FAM117B: variants seen among roughly 807,000 people sequenced by gnomAD.
The protein encoded by FAM117B is family with sequence similarity 117 member B, also known as protein FAM117B.
Under a neutral mutation model 52.8 loss-of-function variants are expected in FAM117B, and 22 were observed. That is an observed-to-expected ratio of 0.42 (90% CI 0.30 to 0.59). The LOEUF is 0.59. Ranked by LOEUF, FAM117B falls within the 20% of genes least tolerant of loss-of-function variation. The pLI is 0.22. For synonymous variants in FAM117B, 309 were observed against 324.1 expected, an observed-to-expected ratio of 0.95 and a Z score of 0.50; for missense variants, 678 against 802.6, an observed-to-expected ratio of 0.84 and a Z score of 1.88.
chr2:202,679,954 G>T (rs2105769699), intron 1 of FAM117B, among the ~76,000 whole-genome samples: 1 of 152,204 alleles, frequency 6.6e-6, no homozygotes, highest in African/African-American at 2.4e-5. Flanking sequence ...AATATGTTCA[G>T]TATGCTCAGA....
In FAM117B at chr2:202,757,420, G is replaced by T. The variant is rs1307496768; in HGVS notation, c.1312G>T (p.Val438Phe). Residue 438 changes from valine to phenylalanine, a missense_variant, in exon 6 of 8, where the codon GTT becomes TTT. Coordinates refer to ENST00000392238, the MANE Select transcript of FAM117B (RefSeq NM_173511.4). Reference protein sequence around the residue: ...ESPCSADDLLVDPRDKENGNN... With the variant: ...ESPCSADDLLFDPRDKENGNN... ...TCCTTGCTCAGCGGATGACCTGCTT[G>T]TTGATCCCAGAGATAAAGGTACAGT... 6.2e-7 allele frequency: 1 copy of T among 1,614,020 alleles called. No individual in the cohort carries two copies. The highest frequency in any genetic ancestry group is 8.5e-7 in the Non-Finnish European group (1 of 1,179,992).
intron 4 of FAM117B, among the ~76,000 whole-genome samples, chr2:202,739,026 T>C (rs568482514): frequency 2.2e-4 from 34 of 152,230 alleles, no homozygotes; most frequent in African/African-American, 7.9e-4. Context: ...TTGTCTGTAT[T>C]AACAATACAA....
At chr2:202,673,438 T>TTG (rs1690330334) in intron 1 of FAM117B, among the ~76,000 whole-genome samples, 1 of 62,274 alleles carries the variant, frequency 1.6e-5, no homozygotes, top group Non-Finnish European at 4.1e-5. Flanking sequence ...TTTCTGTTTT[T>TTG]TTTTTTTTTT....
intron 7 of FAM117B, among the ~76,000 whole-genome samples, chr2:202,761,636 C>T (rs1039503326): frequency 3.3e-5 from 5 of 152,176 alleles, no homozygotes; most frequent in African/African-American, 7.2e-5. Context: ...AAGCAATTCT[C>T]CTGTCTCAGC....
intron 2 of FAM117B, among the ~76,000 whole-genome samples, chr2:202,705,260 A>G (rs1690855187): frequency 6.6e-6 from 1 of 151,966 alleles, no homozygotes; most frequent in Non-Finnish European, 1.5e-5. Context: ...GAGTCAAGAT[A>G]GTACCATTGC....
intron 1 of FAM117B, among the ~76,000 whole-genome samples, chr2:202,684,118 C>T (rs1035157384): frequency 1.3e-5 from 2 of 152,172 alleles, no homozygotes; most frequent in African/African-American, 4.8e-5. Flanking sequence ...CTGCCTGCCT[C>T]AGCCTCCCAA....
At chr2:202,724,848 GAA>G in intron 2 of FAM117B, 67 bp from the exon 3 acceptor site, 1 of 1,143,450 alleles carries the variant, frequency 8.7e-7, no homozygotes. Flanking sequence ...TTTTATAATA[GAA>G]AAATATGGTA....
intron 1 of FAM117B, among the ~76,000 whole-genome samples, chr2:202,638,883 A>G (rs546610159): frequency 1.1e-3 from 165 of 152,356 alleles, no homozygotes; most frequent in Non-Finnish European, 2.0e-3. Context: ...AATGTCTCAT[A>G]GTTTCATTCC....
intron 1 of FAM117B, 51 bp downstream of exon 1, chr2:202,635,839 C>G: frequency 7.4e-7 from 1 of 1,356,852 alleles, no homozygotes; most frequent in South Asian, 1.6e-5. Flanking sequence ...GGGAAGGGGT[C>G]CCGGGCGCGC....
intron 4 of FAM117B, among the ~76,000 whole-genome samples, chr2:202,751,834 A>G (rs1050574290): frequency 6.6e-6 from 1 of 151,540 alleles, no homozygotes; most frequent in African/African-American, 2.4e-5. Flanking sequence ...CAAAGATCTG[A>G]GCTATGGAGA....
At chr2:202,675,416 C>T (rs895392169) in intron 1 of FAM117B, among the ~76,000 whole-genome samples, 15 of 141,464 alleles carry the variant, frequency 1.1e-4, no homozygotes, top group African/African-American at 3.7e-4. Flanking sequence ...ACCGCACTAC[C>T]GCCTGGGCGA....
chr2:202,710,430 G>T (rs566639760), intron 2 of FAM117B, among the ~76,000 whole-genome samples: 1 of 151,828 alleles, frequency 6.6e-6, no homozygotes, highest in South Asian at 2.1e-4. Flanking sequence ...ATACACATAG[G>T]TGTATATATT....
intron 4 of FAM117B, among the ~76,000 whole-genome samples, chr2:202,736,726 G>A (rs1249798373): frequency 6.6e-6 from 1 of 151,976 alleles, no homozygotes; most frequent in Non-Finnish European, 1.5e-5. Context: ...TGCCCCTACC[G>A]CACTCTAGCC....
intron 1 of FAM117B, among the ~76,000 whole-genome samples, chr2:202,673,305 A>G (rs1559099139): frequency 6.6e-6 from 1 of 151,958 alleles, no homozygotes; most frequent in African/African-American, 2.4e-5. Flanking sequence ...GATTTTGTGT[A>G]TGCTAGAGGG....
At chr2:202,687,039 C>G (rs1033411858) in intron 1 of FAM117B, among the ~76,000 whole-genome samples, 1 of 152,082 alleles carries the variant, frequency 6.6e-6, no homozygotes, top group Non-Finnish European at 1.5e-5. Context: ...AGACTAAGTC[C>G]AAAGACCTGA....
At chr2:202,641,561 G>A (rs533317877) in intron 1 of FAM117B, among the ~76,000 whole-genome samples, 4 of 152,132 alleles carry the variant, frequency 2.6e-5, no homozygotes, top group South Asian at 4.2e-4. Context: ...GATACTTACC[G>A]TAGATAATTG....
chr2:202,744,968 C>A (rs1261048176), intron 4 of FAM117B, among the ~76,000 whole-genome samples: 1 of 100,316 alleles, frequency 1.0e-5, no homozygotes, highest in Non-Finnish European at 1.9e-5. Context: ...TAGAGTGAGA[C>A]TCTGTCTCAA....
At chr2:202,648,521 C>T (rs1448963607) in intron 1 of FAM117B, among the ~76,000 whole-genome samples, 1 of 121,766 alleles carries the variant, frequency 8.2e-6, no homozygotes, top group South Asian at 3.3e-4. Context: ...TGTCCCCACC[C>T]CCCCCCCAAA....
intron 1 of FAM117B, among the ~76,000 whole-genome samples, chr2:202,639,659 C>T (rs1467101158): frequency 6.6e-6 from 1 of 152,064 alleles, no homozygotes; most frequent in Non-Finnish European, 1.5e-5. Context: ...CAACTAGAAG[C>T]CATGTGATAT....
Sources: allele counts gnomAD v4.1 joint callset (sites outside exome capture counted in the v4.1 genomes callset), GRCh38; gene constraint gnomAD v4.1.1; transcripts MANE v1.5; gene names NCBI Gene and HGNC (gene_info 2026-07-23, HGNC 2026-07-21).